MED13L: variants seen among roughly 807,000 people sequenced by gnomAD.
MED13L encodes the protein mediator complex subunit 13L.
A neutral mutation model predicts 220.9 loss-of-function variants in MED13L; 7 were observed. The ratio of observed to expected loss-of-function variants is 0.03; its 90% CI spans 0.02 to 0.06. The LOEUF (loss-of-function observed/expected upper bound fraction) is 0.06, where lower values mean the gene tolerates loss of function less well. Among genes scored for constraint, MED13L ranks in the 10% least tolerant of loss-of-function variants. MED13L has a pLI of 1.00. For synonymous variants in MED13L, 1,011 were observed against 1,015.2 expected (o/e 1.00, Z 0.08); for missense variants, 1,965 against 2,760.5 (o/e 0.71, Z 6.46).
At chr12:115,966,507 C>A in intron 28 of MED13L, among the ~76,000 whole-genome samples, 1 of 152,184 alleles carries the variant, frequency 6.6e-6, no homozygotes, top group Middle Eastern at 3.2e-3. Context: ...GATGTAAGAT[C>A]TATTTCATGG....
chr12:116,073,378 C>T (rs1870539757), intron 4 of MED13L, among the ~76,000 whole-genome samples: 1 of 152,120 alleles, frequency 6.6e-6, no homozygotes, highest in Admixed American at 6.5e-5. Context: ...CTTATGAAAA[C>T]AAGAATGAAA....
intron 1 of MED13L, among the ~76,000 whole-genome samples, chr12:116,269,694 G>A (rs935270483): frequency 1.3e-5 from 2 of 152,050 alleles, no homozygotes; most frequent in African/African-American, 4.8e-5. Flanking sequence ...AAGAAAAACA[G>A]TAATGGAGTT....
At chr12:116,251,308 C>CTTTTTT (rs61533775) in intron 1 of MED13L, among the ~76,000 whole-genome samples, 140 of 87,890 alleles carry the variant, frequency 1.6e-3, no homozygotes, top group Non-Finnish European at 1.9e-3. Flanking sequence ...ATCATGGATC[C>CTTTTTT]TTTTTTTTTT....
At chr12:116,071,719 C>T (rs998714167) in intron 4 of MED13L, among the ~76,000 whole-genome samples, 1 of 152,182 alleles carries the variant, frequency 6.6e-6, no homozygotes, top group African/African-American at 2.4e-5. Context: ...TTTTATAAAA[C>T]CTTGGAGTTC....
At chr12:116,251,183 A>G (rs970121052) in intron 1 of MED13L, among the ~76,000 whole-genome samples, 3 of 151,436 alleles carry the variant, frequency 2.0e-5, no homozygotes, top group South Asian at 2.1e-4. Flanking sequence ...AGATGGGACC[A>G]ATAGGGAGGA....
At chr12:116,064,278 G>A (rs937377871) in intron 4 of MED13L, among the ~76,000 whole-genome samples, 35 of 152,052 alleles carry the variant, frequency 2.3e-4, no homozygotes, top group Non-Finnish European at 4.4e-5. Flanking sequence ...TGAATACAAT[G>A]TAGATGCTAT....
intron 4 of MED13L, among the ~76,000 whole-genome samples, chr12:116,028,248 T>C (rs561648561): frequency 1.3e-5 from 2 of 152,322 alleles, no homozygotes; most frequent in Non-Finnish European, 2.9e-5. Flanking sequence ...TGAATACAAT[T>C]ATAGATATGT....
intron 3 of MED13L, among the ~76,000 whole-genome samples, chr12:116,103,893 G>A (rs960756154): frequency 2.0e-5 from 3 of 150,568 alleles, no homozygotes; most frequent in Non-Finnish European, 2.9e-5. Context: ...CCCAACGACT[G>A]TCAATGTTAC....
chr12:116,035,844 TG>T (rs1217852901), intron 4 of MED13L, among the ~76,000 whole-genome samples: 3 of 152,096 alleles, frequency 2.0e-5, no homozygotes, highest in Non-Finnish European at 4.4e-5. Context: ...CCCAAAGTGC[TG>T]GGATTACAGA....
chr12:115,971,123 T>C (rs956213826), intron 26 of MED13L, among the ~76,000 whole-genome samples: 1 of 152,218 alleles, frequency 6.6e-6, no homozygotes, highest in African/African-American at 2.4e-5. Flanking sequence ...TTAACAATCC[T>C]ATAGAGATAG....
At chr12:116,156,420 A>C (rs1878441958) in intron 2 of MED13L, among the ~76,000 whole-genome samples, 1 of 151,896 alleles carries the variant, frequency 6.6e-6, no homozygotes, top group South Asian at 2.1e-4. Flanking sequence ...AAAAAAAAAA[A>C]AAACTTTTAT....
intron 16 of MED13L, among the ~76,000 whole-genome samples, chr12:115,995,863 C>T (rs540160517): frequency 1.3e-5 from 2 of 152,242 alleles, no homozygotes; most frequent in East Asian, 1.9e-4. Context: ...AAAAACAGAT[C>T]GGTTGTATGG....
At chr12:116,138,434 G>A (rs1317935474) in intron 2 of MED13L, among the ~76,000 whole-genome samples, 1 of 152,148 alleles carries the variant, frequency 6.6e-6, no homozygotes, top group African/African-American at 2.4e-5. Context: ...AGACCTCTTG[G>A]GTGGTCCCTG....
chr12:116,008,398 T>C lies in MED13L; in HGVS notation c.2012+3A>G. 6.2e-7 allele frequency: 1 copy of C among 1,607,284 alleles called. No individual in the cohort carries two copies. ...GGGTGGGTGGTGCAGAGAGCTGTCT[T>C]ACCTTTGCAATGCAGTGCTCTCTGA... On this transcript the variant is annotated splice_donor_region_variant and intron_variant, in intron 10 of 30. Transcript: ENST00000281928.
chr12:115,972,373 C>T lies in MED13L; in HGVS notation c.5732-137G>A. 1.3e-5 allele frequency: 12 copies of T among 942,766 alleles called. No individual in the cohort carries two copies. The South Asian group carries it at 1.4e-4, about 11-fold the overall frequency. 58.4% of individuals were successfully genotyped at this position (942,766 alleles called of 1,614,324 possible). ...AGGGAATTATGGCTTTACATATGTT[C>T]CCCTCCTTGCTATAGAGAATGTTAC... On this transcript the variant is annotated intron_variant, in intron 25 of 30. Transcript: ENST00000281928.
chr12:116,189,384 C>A (rs1414333931), intron 2 of MED13L, among the ~76,000 whole-genome samples: 2 of 151,924 alleles, frequency 1.3e-5, no homozygotes, highest in African/African-American at 2.4e-5. Context: ...TGAGAAATCT[C>A]TATATATACA....
intron 2 of MED13L, among the ~76,000 whole-genome samples, chr12:116,232,571 C>T (rs949459919): frequency 2.6e-5 from 4 of 152,268 alleles, no homozygotes; most frequent in African/African-American, 9.6e-5. Context: ...ACATTAGAAC[C>T]TCATAAAATA....
At chr12:116,184,720 A>T (rs1227940313) in intron 2 of MED13L, among the ~76,000 whole-genome samples, 2 of 152,178 alleles carry the variant, frequency 1.3e-5, no homozygotes, top group Non-Finnish European at 2.9e-5. Flanking sequence ...AAATCAATAA[A>T]AGCCATTATT....
chr12:116,048,950 T>C (rs1012491470), intron 4 of MED13L, among the ~76,000 whole-genome samples: 2 of 152,212 alleles, frequency 1.3e-5, no homozygotes, highest in African/African-American at 4.8e-5. Context: ...TGCATAATCA[T>C]GACTACAAAG....
Sources: gnomAD v4.1 joint callset for allele counts (sites outside exome capture counted in the v4.1 genomes callset) on GRCh38, gnomAD v4.1.1 for gene constraint, MANE v1.5 for transcripts, NCBI Gene and HGNC (gene_info 2026-07-23, HGNC 2026-07-21) for gene names.